NBAS: variants seen among roughly 807,000 people sequenced by gnomAD.
NBAS encodes NAG/BC035112 fusion.
A neutral mutation model predicts 302.5 loss-of-function variants in NBAS; 219 were observed. That is an observed-to-expected ratio of 0.72 (90% CI 0.65 to 0.81). NBAS has a LOEUF of 0.81. Among genes scored for constraint, NBAS ranks in the 30% least tolerant of loss-of-function variants. The probability of loss-of-function intolerance (pLI) is 0.00; values close to 1 mark genes in which losing one functional copy is unlikely to be tolerated. For synonymous variants in NBAS, 1,118 were observed against 1,021.6 expected (o/e 1.09, Z -1.80); for missense variants, 2,932 against 2,841.6 (o/e 1.03, Z -0.72).
At chr2:15,018,961 A>C in the NBAS span, among the ~76,000 whole-genome samples, 1 of 152,194 alleles carries the variant, frequency 6.6e-6, no homozygotes, top group African/African-American at 2.4e-5. Context: ...GCAGCCTTTG[A>C]GTGCTGTAAG....
chr2:15,425,823 C>T (rs1347015831), intron 22 of NBAS, among the ~76,000 whole-genome samples: 3 of 152,158 alleles, frequency 2.0e-5, no homozygotes. Context: ...ATATTTATTT[C>T]CTCCTCAGCA....
At position 15,238,417 on chromosome 2, in the gene NBAS, G is replaced by T. The variant is rs185825299; in HGVS notation, c.5943+51C>A. ...ACTAATGTAACTTTCAAGGAAAAAA[G>T]AAAGAATATACTGATACAGAGTGAG... On this transcript the variant is annotated intron_variant, in intron 45 of 51. Transcript: ENST00000281513. 4.0e-5 allele frequency: 62 copies of T among 1,557,012 alleles called. No individual in the cohort carries two copies. The African/African-American group carries it at 8.1e-4, about 20-fold the overall frequency.
At chr2:15,124,102 G>T in the NBAS span, among the ~76,000 whole-genome samples, 1 of 152,236 alleles carries the variant, frequency 6.6e-6, no homozygotes, top group African/African-American at 2.4e-5. Context: ...AAGCTATTGG[G>T]AACTGGAGGG....
intron 6 of NBAS, among the ~76,000 whole-genome samples, chr2:15,544,333 A>C (rs1007561010): frequency 6.6e-6 from 1 of 152,062 alleles, no homozygotes; most frequent in Non-Finnish European, 1.5e-5. Context: ...CTCTGACTTT[A>C]TAAAGAAAAA....
intron 44 of NBAS, among the ~76,000 whole-genome samples, chr2:15,247,179 C>T (rs142832460): frequency 6.2e-4 from 95 of 152,204 alleles, no homozygotes; most frequent in African/African-American, 2.1e-3. Flanking sequence ...CAGATCCAGA[C>T]GCCAAGAGAG....
At chr2:15,056,795 C>A in the NBAS span, among the ~76,000 whole-genome samples, 154 of 151,612 alleles carry the variant, frequency 1.0e-3, no homozygotes, top group Non-Finnish European at 1.9e-3. Flanking sequence ...AGGCGGGGAC[C>A]AAAGACCCAG....
the NBAS span, among the ~76,000 whole-genome samples, chr2:15,122,990 T>C: frequency 2.0e-5 from 3 of 152,176 alleles, no homozygotes; most frequent in East Asian, 5.8e-4. Context: ...AGAGGATGTA[T>C]TCTGGATGCT....
rs148186764 is a variant in NBAS at position 15,167,232 on chromosome 2, C to T, written c.6932G>A (p.Arg2311His). 799 of 1,614,232 alleles carry T rather than the reference C, an allele frequency of 4.9e-4. 7 individuals are homozygous for T. The African/African-American group carries it at 9.7e-3, about 20-fold the overall frequency. ...GCTAGCCAAGAGGTGGTCAACAATA[C>T]GTGGATAGAAGGGAGTGGAGACACA... is the stretch of plus-strand genomic sequence containing the variant. Reference protein sequence around the residue: ...VKCVSTPFYPRIVDHLLASLQ... With the variant: ...VKCVSTPFYPHIVDHLLASLQ... Residue 2311 changes from arginine (R) to histidine (H), a missense_variant, in exon 52 of 52, where the codon CGT becomes CAT. By Grantham distance (29) the Arg-to-His change is conservative. Transcript: ENST00000281513.
chr2:15,502,211 T>G (rs1353652919), intron 11 of NBAS, among the ~76,000 whole-genome samples: 1 of 152,130 alleles, frequency 6.6e-6, no homozygotes, highest in East Asian at 1.9e-4. Context: ...TCTTCATCAA[T>G]AAAAAGCAGG....
At chr2:14,836,796 G>T in the NBAS span, among the ~76,000 whole-genome samples, 2 of 151,766 alleles carry the variant, frequency 1.3e-5, no homozygotes, top group South Asian at 4.1e-4. Flanking sequence ...AACTTTCTTA[G>T]ATTAAGTCTT....
At chr2:15,490,757 C>G (rs562177345) in intron 11 of NBAS, among the ~76,000 whole-genome samples, 1 of 152,210 alleles carries the variant, frequency 6.6e-6, no homozygotes, top group Non-Finnish European at 1.5e-5. Flanking sequence ...AACCAGGGCA[C>G]GTCCATGAGC....
At chr2:15,399,001 T>C (rs1028359516) in intron 26 of NBAS, among the ~76,000 whole-genome samples, 2 of 152,138 alleles carry the variant, frequency 1.3e-5, no homozygotes, top group African/African-American at 4.8e-5. Context: ...CAAAAACAAA[T>C]ATGGTAATCC....
rs1218014699 is a variant in NBAS at position 15,468,411 on chromosome 2, T to C, written c.1848A>G (p.Leu616=). The stretch of plus-strand genomic sequence containing the variant: ...CATCATCTGCTCCTTTCCCTATTGC[T>C]AAAAGAGCCTCCAGGTCTGTGCCTT... ...GLKGTDLEAL[L]AIGKGADDGR... The change falls in exon 17 of 52, where the codon TTA becomes TTG. Residue 616 remains leucine (L), a synonymous_variant. Transcript: ENST00000281513. 6.2e-7 allele frequency: 1 copy of C among 1,614,108 alleles called. No homozygotes were observed. Among genetic ancestry groups the C allele is most frequent in the Non-Finnish European group, 8.5e-7 (1 of 1,179,974 alleles).
the NBAS span, among the ~76,000 whole-genome samples, chr2:14,784,154 T>A: frequency 1.3e-5 from 2 of 152,354 alleles, no homozygotes; most frequent in South Asian, 2.1e-4. Context: ...CTTTGCCCAC[T>A]TTTTGATGGG....
At chr2:15,457,992 T>C (rs775549142) in intron 21 of NBAS, among the ~76,000 whole-genome samples, 3 of 152,164 alleles carry the variant, frequency 2.0e-5, no homozygotes, top group Non-Finnish European at 4.4e-5. Flanking sequence ...GGAAACTTCA[T>C]AATCTCTTTT....
rs1572903776 is a variant in NBAS, at chr2:15,475,824, TC to T, written c.1203del (p.Thr402LeufsTer2). On this transcript the variant is annotated frameshift_variant, in exon 14 of 52. Transcript: ENST00000281513. LOFTEE classifies it high-confidence loss of function. ...AAAGCACCAGAGCATCGAGCTAAAG[TC>T]ACTGCACTGTCTGCCCACCAATTGA... ...IDVNWWADSA[V>X]TLARCSGALT... The T allele has an allele frequency of 6.2e-7, 1 of 1,614,070 alleles. No homozygotes were observed. Among genetic ancestry groups the T allele is most frequent in the African/African-American group, 1.3e-5 (1 of 75,050 alleles).
chr2:14,970,312 C>T, the NBAS span, among the ~76,000 whole-genome samples: 1 of 152,118 alleles, frequency 6.6e-6, no homozygotes, highest in African/African-American at 2.4e-5. Flanking sequence ...TTCCAACATG[C>T]TTTATGAATC....
the NBAS span, among the ~76,000 whole-genome samples, chr2:15,010,176 C>T: frequency 1.3e-5 from 2 of 151,990 alleles, no homozygotes; most frequent in African/African-American, 4.8e-5. Context: ...TACAGGAACA[C>T]CAAGAAAACA....
chr2:14,800,791 G>GGTATTTTTTTTTTTT, the NBAS span, among the ~76,000 whole-genome samples: 1 of 137,928 alleles, frequency 7.3e-6, no homozygotes, highest in Non-Finnish European at 1.6e-5. Context: ...AATTGTTTTT[G>GGTATTTTTTTTTTTT]TTTTTTTTTT....
Sources: gnomAD v4.1 joint callset for allele counts (sites outside exome capture counted in the v4.1 genomes callset) on GRCh38, gnomAD v4.1.1 for gene constraint, MANE v1.5 for transcripts, NCBI Gene and HGNC (gene_info 2026-07-23, HGNC 2026-07-21) for gene names.